Variants in HMCN2 observed in about 807,000 individuals in gnomAD.
The protein encoded by HMCN2 is hemicentin-2.
Under a neutral mutation model 377.5 loss-of-function variants are expected in HMCN2, and 325 were observed. The observed-to-expected ratio is 0.86, with a 90% CI of 0.79 to 0.94. HMCN2 has a LOEUF of 0.94. Ranked by LOEUF, HMCN2 falls within the 40% of genes least tolerant of loss-of-function variation. The probability of loss-of-function intolerance (pLI) is 0.00; values close to 1 mark genes in which losing one functional copy is unlikely to be tolerated. For missense variants in HMCN2, 4,543 were observed against 4,725.3 expected, an observed-to-expected ratio of 0.96 and a Z score of 1.13; for synonymous variants, 2,007 against 2,046.8, an observed-to-expected ratio of 0.98 and a Z score of 0.53.
At position 130,382,777 on chromosome 9, in the gene HMCN2, C is replaced by A; in HGVS notation, c.8644C>A (p.Pro2882Thr). ...VSLQCPALGNPVPTISWLQNG... is the reference protein window; with the variant it reads ...VSLQCPALGNTVPTISWLQNG... ...CCTGCAGTGCCCGGCCCTGGGAAACCCCGTGCCCACCATCTCATGGCTCCA... is the reference window on the plus strand; with the variant it reads ...CCTGCAGTGCCCGGCCCTGGGAAACACCGTGCCCACCATCTCATGGCTCCA... Residue 2882 changes from proline to threonine, a missense_variant, in exon 56 of 98, where the codon CCC (proline) becomes ACC (threonine). By Grantham distance (38) the Pro-to-Thr change is conservative. This residue lies in a region of HMCN2 where 736 missense variants were observed against 773.2 expected (regional missense o/e 0.95). Transcript: ENST00000683500. The A allele has an allele frequency of 1.0e-6, 1 of 985,968 alleles. No individual in the cohort carries two copies. Among genetic ancestry groups the A allele is most frequent in the Non-Finnish European group, 1.2e-6 (1 of 829,992 alleles). 61.1% of individuals were successfully genotyped at this position (985,968 alleles called of 1,614,324 possible).
chr9:130,387,413 T>C (rs996490074), intron 61 of HMCN2, among the ~76,000 whole-genome samples: 1 of 152,204 alleles, frequency 6.6e-6, no homozygotes, highest in African/African-American at 2.4e-5. Context: ...CTCCTGTTGA[T>C]CTTCCATTTC....
At chr9:130,382,645 G>GGC in intron 55 of HMCN2, 34 bp from the exon 56 acceptor site, 2 of 775,192 alleles carry the variant, frequency 2.6e-6, no homozygotes, top group Non-Finnish European at 3.1e-6. Flanking sequence ...AGGGACCTGT[G>GGC]CCAGCCCCTC....
chr9:130,356,438 C>T (rs1357399553), intron 34 of HMCN2, among the ~76,000 whole-genome samples, 181 bp downstream of exon 34: 1 of 152,190 alleles, frequency 6.6e-6, no homozygotes, highest in Non-Finnish European at 1.5e-5. Context: ...GGCCACTTAT[C>T]ACACTTATCC....
chr9:130,277,853 CCACCACCATCAT>C (rs1834820756), intron 1 of HMCN2, among the ~76,000 whole-genome samples: 8 of 33,412 alleles, frequency 2.4e-4, no homozygotes, highest in African/African-American at 8.8e-4. Context: ...ATCACCACCA[CCACCACCATCAT>C]CATCATCACC....
chr9:130,349,729 G>T, intron 29 of HMCN2, 66 bp downstream of exon 29: 1 of 1,258,956 alleles, frequency 7.9e-7, no homozygotes. Context: ...GGATGTGGGG[G>T]TTGGGGAAGG....
Position 130,348,550 on chromosome 9 carries a change from C to T in HMCN2, c.4030C>T (p.Pro1344Ser), listed in dbSNP as rs1307824000. 18 of 1,304,022 alleles carry T rather than the reference C, an allele frequency of 1.4e-5. No individual in the cohort carries two copies. The highest frequency in any genetic ancestry group is 3.0e-5 in the African/African-American group (2 of 66,012). The allele number at this position is 1,304,022 out of a possible 1,614,324, so 80.8% of individuals were successfully genotyped here. ...RRAKLVVYVP[P>S]SIREDGRKAN... ...CGGCTCTCCTTGCCCCCAAGTGCCC[C>T]CCAGCATCCGGGAGGACGGGCGCAA... is the stretch of plus-strand genomic sequence containing the variant. Residue 1344 changes from proline (P) to serine (S), a missense_variant, in exon 27 of 98, where the codon CCC (proline) becomes TCC (serine). Physicochemically the swap from Pro to Ser is moderately conservative, Grantham distance 74 (BLOSUM62 -1). Coordinates refer to ENST00000683500, the MANE Select transcript of HMCN2 (RefSeq NM_001291815.2).
chr9:130,271,813 T>C (rs1325133432), intron 1 of HMCN2, among the ~76,000 whole-genome samples: 2 of 149,286 alleles, frequency 1.3e-5, no homozygotes, highest in African/African-American at 4.8e-5. Context: ...CAAGGAGTTG[T>C]ATGTTGTATA....
intron 5 of HMCN2, among the ~76,000 whole-genome samples, 187 bp downstream of exon 5, chr9:130,295,213 G>A (rs1244693734): frequency 6.6e-6 from 1 of 152,128 alleles, no homozygotes; most frequent in African/African-American, 2.4e-5. Context: ...AAGCAGGAGG[G>A]CCATAGCAAC....
At chr9:130,355,144 G>A in intron 32 of HMCN2, 100 bp downstream of exon 32, 1 of 973,522 alleles carries the variant, frequency 1.0e-6, no homozygotes. Flanking sequence ...TGGAGGGAGG[G>A]TGGGGAGAAG....
At chr9:130,283,258 G>A (rs1385549134) in intron 1 of HMCN2, among the ~76,000 whole-genome samples, 1 of 151,348 alleles carries the variant, frequency 6.6e-6, no homozygotes, top group South Asian at 2.1e-4. Context: ...CTCCATTACT[G>A]CTATTTTTTA....
At chr9:130,373,879 C>CATGG (rs146554897) in intron 48 of HMCN2, among the ~76,000 whole-genome samples, 54,595 of 130,324 alleles carry the variant, frequency 0.42, 12,130 homozygotes, top group East Asian at 0.69. Context: ...TGGATGGGTG[C>CATGG]ATGGATGGAT....
Position 130,364,800 on chromosome 9 carries a change from C to A in HMCN2, c.6319C>A (p.Pro2107Thr). The change falls in exon 41 of 98, where the codon CCC becomes ACC. Residue 2107 changes from proline to threonine, a missense_variant. Around this residue, in one of 5 missense-constraint regions of HMCN2, gnomAD observed 1,032 missense variants for 1,285.1 expected, o/e 0.80. Transcript: ENST00000683500. ...VALECQSHAM[P>T]PPVLSWWKDG... ...CCTGGAGTGCCAGAGCCACGCCATG[C>A]CCCCTCCTGTGCTGAGCTGGTGGAA... is the stretch of plus-strand genomic sequence containing the variant. The A allele has an allele frequency of 1.0e-6, 1 of 985,962 alleles. No individual in the cohort carries two copies. The highest frequency in any genetic ancestry group is 1.2e-6 in the Non-Finnish European group (1 of 829,974). 61.1% of individuals were successfully genotyped at this position (985,962 alleles called of 1,614,324 possible).
chr9:130,348,133 A>G (rs1180962538), intron 26 of HMCN2: 1 of 730,164 alleles, frequency 1.4e-6, no homozygotes, highest in Non-Finnish European at 1.7e-6. Flanking sequence ...CTGCTTCCCC[A>G]GGACCAGCTG....
At chr9:130,403,000 G>A (rs1842927592) in intron 78 of HMCN2, 104 bp downstream of exon 78, 3 of 1,038,236 alleles carry the variant, frequency 2.9e-6, no homozygotes, top group East Asian at 6.1e-5. Context: ...CCGGGTCTCA[G>A]AGGCCCCGAC....
intron 89 of HMCN2, 88 bp downstream of exon 89, chr9:130,425,218 C>T (rs1023304711): frequency 2.2e-6 from 3 of 1,387,594 alleles, no homozygotes; most frequent in African/African-American, 2.9e-5. Flanking sequence ...GCAGCCAGGC[C>T]CACTCTCCCT....
Position 130,271,772 on chromosome 9 carries a change from T to C in HMCN2, c.259+5635T>C, listed in dbSNP as rs782553932. Among the ~76,000 whole-genome samples, 10 of 149,014 alleles carry C rather than the reference T, an allele frequency of 6.7e-5. 1 individual carries two copies. The highest frequency in any genetic ancestry group is 1.2e-4 in the Non-Finnish European group (8 of 66,358). ...TGTGTTTGTTGGTACTGAGGTGCTGTTACTTCTAAAACCTCCCTTAGCTGA... is the reference window on the plus strand; with the variant it reads ...TGTGTTTGTTGGTACTGAGGTGCTGCTACTTCTAAAACCTCCCTTAGCTGA... On this transcript the variant is annotated intron_variant, in intron 1 of 97. Coordinates refer to ENST00000683500, the MANE Select transcript of HMCN2 (RefSeq NM_001291815.2).
intron 23 of HMCN2, chr9:130,338,569 T>G (rs1194577836): frequency 6.6e-6 from 1 of 152,360 alleles, no homozygotes; most frequent in East Asian, 1.9e-4. Context: ...TATCCCTTCC[T>G]CTAGTCCAAG....
In HMCN2 at chr9:130,405,015, T is replaced by C; in HGVS notation, c.12295T>C (p.Phe4099Leu). ...GCCTGTGTCGGGCGCCGAGGGGAAG[T>C]TCACCATCCAGCCTTCTGGGGAGTT... Reference protein sequence around the residue: ...GQPVSGAEGKFTIQPSGELLV... With the variant: ...GQPVSGAEGKLTIQPSGELLV... The change falls in exon 81 of 98, where the codon TTC becomes CTC. Residue 4099 changes from phenylalanine (F) to leucine (L), a missense_variant. Physicochemically the swap from Phe to Leu is conservative, Grantham distance 22. Around this residue, in one of 5 missense-constraint regions of HMCN2, gnomAD observed 1,073 missense variants for 1,319.5 expected, o/e 0.81. Coordinates refer to ENST00000683500, the MANE Select transcript of HMCN2 (RefSeq NM_001291815.2). 7.8e-7 allele frequency: 1 copy of C among 1,289,504 alleles called. No homozygotes were observed. Among genetic ancestry groups the C allele is most frequent in the Non-Finnish European group, 1.0e-6 (1 of 988,688 alleles). The allele number at this position is 1,289,504 out of a possible 1,614,324, so 79.9% of individuals were successfully genotyped here. A position where few individuals can be genotyped will look rare whatever the true frequency, so the allele number is the denominator to read the frequency against.
intron 62 of HMCN2, among the ~76,000 whole-genome samples, 170 bp downstream of exon 62, chr9:130,388,710 T>C (rs924831109): frequency 6.8e-6 from 1 of 147,396 alleles, no homozygotes; most frequent in Non-Finnish European, 1.5e-5. Flanking sequence ...TGAAGCGTTG[T>C]TTATTGGCCC....
Sources: gnomAD v4.1 joint callset for allele counts (sites outside exome capture counted in the v4.1 genomes callset) on GRCh38, gnomAD v4.1.1 for gene constraint, gnomAD v4.1.1 regional missense constraint, MANE v1.5 for transcripts, NCBI Gene and HGNC (gene_info 2026-07-23, HGNC 2026-07-21) for gene names.